The following TASOR2 variants were observed in gnomAD, a reference collection of about 807,000 sequenced individuals.
TASOR2 encodes transcription activation suppressor family member 2.
In TASOR2, 84 loss-of-function variants were observed where a neutral mutation model predicts 199.5. The observed-to-expected ratio is 0.42, with a 90% CI of 0.35 to 0.50. TASOR2 has a LOEUF of 0.50. TASOR2 is among the 20% of genes least tolerant of loss of function. The pLI, the probability that TASOR2 is intolerant of heterozygous loss-of-function variation, is 0.02. For synonymous variants in TASOR2, 1,103 were observed against 1,046.6 expected, an observed-to-expected ratio of 1.05 and a Z score of -1.04; for missense variants, 2,796 against 2,835.9, an observed-to-expected ratio of 0.99 and a Z score of 0.32.
At position 5,762,513 on chromosome 10, in the gene TASOR2, T is replaced by TTG. The variant is rs1554784534; in HGVS notation, c.7175-18_7175-17insGT. The TTG allele has an allele frequency of 1.1e-5, 6 of 538,582 alleles. No individual in the cohort carries two copies. The highest frequency in any genetic ancestry group is 4.5e-5 in the South Asian group (1 of 22,160). 33.4% of individuals were successfully genotyped at this position (538,582 alleles called of 1,614,324 possible). A position where few individuals can be genotyped will look rare whatever the true frequency, so the allele number is the denominator to read the frequency against. On this transcript the variant is annotated intron_variant, in intron 19 of 20. Transcript: ENST00000328090. ...ATTAATTATATTAACCAAAAGTTGT[T>TTG]TTTTTTTTTTTTTAACAGACAAGCC...
At chr10:5,723,719 C>T (rs754678014) in exon 7 of TASOR2, 1 of 1,601,386 alleles carries the variant, frequency 6.2e-7, no homozygotes, top group Non-Finnish European at 8.5e-7. Flanking sequence ...AAGTGTCTTC[C>T]TTGAAAAAAA....
intron 10 of TASOR2, among the ~76,000 whole-genome samples, chr10:5,728,098 G>A (rs900501164): frequency 6.6e-6 from 1 of 151,812 alleles, no homozygotes. Context: ...GCTTGCACCT[G>A]TGGTCCAATC....
In TASOR2 at chr10:5,740,779, G is replaced by C. The variant is rs557434370; in HGVS notation, c.2327+282G>C. On this transcript the variant is annotated intron_variant, in intron 13 of 20. Coordinates refer to ENST00000328090, the Ensembl canonical transcript of TASOR2. This position sits in a 1 kb window ranked among gnomAD's most constrained non-coding sequence, Gnocchi z 5.3. ...TCCCTCGTAAGCCCTTGTGGCTTTT[G>C]AATTTCAATTTTTAGATGAGATCTT... is the stretch of plus-strand genomic sequence containing the variant. 6.6e-6 allele frequency among the ~76,000 whole-genome samples: 1 copy of C among 152,160 alleles called. No individual in the cohort carries two copies. Among genetic ancestry groups the C allele is most frequent in the Non-Finnish European group, 1.5e-5 (1 of 68,024 alleles).
At chr10:5,696,922 T>C (rs1248233505) in intron 1 of TASOR2, among the ~76,000 whole-genome samples, 2 of 151,718 alleles carry the variant, frequency 1.3e-5, no homozygotes, top group Non-Finnish European at 2.9e-5. Context: ...TAATACAAGG[T>C]TTAGATAATA....
chr10:5,750,780 G>C lies in TASOR2; in HGVS notation c.6606+753G>C, dbSNP rs981206669. Reference sequence around the variant, plus strand: ...TTAAATGTGTATTACCTGAGTTCAAGGATCCTCATCTTTTTAACCACAGAA... The same window carrying C: ...TTAAATGTGTATTACCTGAGTTCAACGATCCTCATCTTTTTAACCACAGAA... On this transcript the variant is annotated intron_variant, in intron 15 of 20. Coordinates refer to ENST00000328090, the Ensembl canonical transcript of TASOR2. This position sits in a 1 kb window ranked among gnomAD's most constrained non-coding sequence, Gnocchi z 5.4. Among the ~76,000 whole-genome samples, 11 of 152,134 alleles carry C rather than the reference G, an allele frequency of 7.2e-5. No individual in the cohort carries two copies. The highest frequency in any genetic ancestry group is 6.5e-4 in the Admixed American group (10 of 15,272).
chr10:5,747,822 T>C (rs1334947974), exon 15 of TASOR2: 2 of 1,613,760 alleles, frequency 1.2e-6, no homozygotes, highest in African/African-American at 2.7e-5. Flanking sequence ...AAGATAACTT[T>C]ACCCAGGTAC....
chr10:5,710,465 C>T lies in TASOR2; in HGVS notation c.-287-2358C>T, dbSNP rs1051137934. On this transcript the variant is annotated intron_variant, in intron 1 of 20. Coordinates refer to ENST00000328090, the Ensembl canonical transcript of TASOR2. The surrounding 1 kb of genome is among the most constrained non-coding windows in gnomAD (Gnocchi z 4.6). ...AAATAATTTGGTACTTGTTCCTCCT[C>T]CTTCGTTTTAAATCATTGGCTTTAT... Among the ~76,000 whole-genome samples the T allele has an allele frequency of 6.6e-6, 1 of 151,994 alleles. No individual in the cohort carries two copies. The highest frequency in any genetic ancestry group is 1.5e-5 in the Non-Finnish European group (1 of 67,930).
Position 5,685,206 on chromosome 10 carries a change from A to C in TASOR2, c.-288+31A>C. 2.5e-6 allele frequency: 1 copy of C among 397,708 alleles called. No homozygotes were observed. The highest frequency in any genetic ancestry group is 4.4e-5 in the Admixed American group (1 of 22,706). 24.6% of individuals were successfully genotyped at this position (397,708 alleles called of 1,614,324 possible). A position where few individuals can be genotyped will look rare whatever the true frequency, so the allele number is the denominator to read the frequency against. On this transcript the variant is annotated intron_variant, in intron 1 of 20. Coordinates refer to ENST00000328090, the Ensembl canonical transcript of TASOR2. This position sits in a 1 kb window ranked among gnomAD's most constrained non-coding sequence, Gnocchi z 5.4. Reference sequence around the variant, plus strand: ...TCCCTCCTCGGCCTGGGCGCCCGGGAACCCTGCGAGGAGGACGGCGGGTCC... The same window carrying C: ...TCCCTCCTCGGCCTGGGCGCCCGGGCACCCTGCGAGGAGGACGGCGGGTCC...
chr10:5,687,132 T>G lies in TASOR2; in HGVS notation c.-288+1957T>G, dbSNP rs1835896753. ...TTAATATGTACTGACAAAGCGTATC[T>G]GTGTAATAAATATGCTTTTTGTCAG... On this transcript the variant is annotated intron_variant, in intron 1 of 20. Coordinates refer to ENST00000328090, the Ensembl canonical transcript of TASOR2. The surrounding 1 kb of genome is among the most constrained non-coding windows in gnomAD (Gnocchi z 4.8). Among the ~76,000 whole-genome samples, 1 of 152,244 alleles carries G rather than the reference T, an allele frequency of 6.6e-6. No homozygotes were observed. Among genetic ancestry groups the G allele is most frequent in the Non-Finnish European group, 1.5e-5 (1 of 68,038 alleles).
chr10:5,687,756 T>C lies in TASOR2; in HGVS notation c.-288+2581T>C, dbSNP rs570310954. Among the ~76,000 whole-genome samples the C allele has an allele frequency of 8.5e-5, 13 of 152,358 alleles. No individual in the cohort carries two copies. In the South Asian group the frequency reaches 2.7e-3, roughly 32 times the overall value. ...AATCACTTGAACCTGGGAGACAGGT[T>C]GCAGTGAGCCAAGGTTGTGTCACTC... On this transcript the variant is annotated intron_variant, in intron 1 of 20. Transcript: ENST00000328090. This position sits in a 1 kb window ranked among gnomAD's most constrained non-coding sequence, Gnocchi z 4.8.
chr10:5,688,779 G>T (rs1298502862), intron 1 of TASOR2, among the ~76,000 whole-genome samples: 4 of 152,010 alleles, frequency 2.6e-5, no homozygotes, highest in African/African-American at 9.7e-5. Context: ...AGTTGAGCTG[G>T]GAGGATTGCT....
Position 5,714,243 on chromosome 10 carries a change from AT to A in TASOR2, c.-192+1326del, listed in dbSNP as rs1564281614. The stretch of plus-strand genomic sequence containing the variant: ...AAAGCAAAAAGAATCTTAAAAAAAA[AT>A]CTTCTTTTACAAGATGAAGTGAGGT... On this transcript the variant is annotated intron_variant, in intron 2 of 20. Transcript: ENST00000328090. 13 of 1,201,654 alleles carry A rather than the reference AT, an allele frequency of 1.1e-5. 1 individual carries two copies. In the South Asian group the frequency reaches 2.5e-4, roughly 23 times the overall value. The allele number at this position is 1,201,654 out of a possible 1,614,324, so 74.4% of individuals were successfully genotyped here.
intron 1 of TASOR2, chr10:5,709,646 G>T (rs772803519): frequency 1.8e-5 from 22 of 1,230,806 alleles, no homozygotes; most frequent in Non-Finnish European, 2.1e-5. Flanking sequence ...ATCGAGACAG[G>T]GTCCCTATCA....
At position 5,730,611 on chromosome 10, in the gene TASOR2, A is replaced by T. The variant is rs758383646; in HGVS notation, c.612A>T (p.Thr204=). The change falls in exon 11 of 21, where the codon ACA becomes ACT. Residue 204 remains threonine, a synonymous_variant. Coordinates refer to ENST00000328090, the Ensembl canonical transcript of TASOR2. The surrounding 1 kb of genome is among the most constrained non-coding windows in gnomAD (Gnocchi z 4.1). ...CTGAAGAAAGAATCCATCCAAACAC[A>T]TTAGTAAAGCGTCATTTCCAAGAAT... 4.3e-6 allele frequency: 7 copies of T among 1,614,226 alleles called. No homozygotes were observed. Among genetic ancestry groups the T allele is most frequent in the Non-Finnish European group, 5.9e-6 (7 of 1,180,034 alleles).
intron 1 of TASOR2, among the ~76,000 whole-genome samples, chr10:5,703,503 A>ATTTTTTTTTTTTTTTTTT (rs371366460): frequency 9.1e-6 from 1 of 110,258 alleles, no homozygotes; most frequent in Non-Finnish European, 1.7e-5. Flanking sequence ...GGTTTTTCTG[A>ATTTTTTTTTTTTTTTTTT]TTTTTTTTTT....
chr10:5,723,532 A>T, intron 6 of TASOR2, 145 bp from the exon 8 acceptor site: 1 of 470,992 alleles, frequency 2.1e-6, no homozygotes, highest in Non-Finnish European at 3.8e-6. Flanking sequence ...TTAAAAATAC[A>T]CATATTATTT....
chr10:5,715,081 A>G (rs763183791), intron 2 of TASOR2, among the ~76,000 whole-genome samples: 1 of 152,138 alleles, frequency 6.6e-6, no homozygotes, highest in Non-Finnish European at 1.5e-5. Context: ...TGTTACCTGG[A>G]GACTTAGGAA....
chr10:5,703,992 G>A (rs1233505446), intron 1 of TASOR2, among the ~76,000 whole-genome samples: 2 of 151,874 alleles, frequency 1.3e-5, no homozygotes, highest in African/African-American at 2.4e-5. Context: ...GGGGGCCCAG[G>A]TGGGTGGATC....
chr10:5,707,981 C>A (rs145677754), intron 1 of TASOR2, among the ~76,000 whole-genome samples: 1 of 152,080 alleles, frequency 6.6e-6, no homozygotes, highest in Non-Finnish European at 1.5e-5. Context: ...CATAAACAAC[C>A]TCCTTCATGA....
Sources: gnomAD v4.1 joint callset for allele counts (sites outside exome capture counted in the v4.1 genomes callset) on GRCh38, gnomAD v4.1.1 for gene constraint, Gnocchi (gnomAD v3.1) non-coding constraint, MANE v1.5 for transcripts, NCBI Gene and HGNC (gene_info 2026-07-23, HGNC 2026-07-21) for gene names.